The following RANBP9 variants were observed in gnomAD, a reference collection of about 807,000 sequenced individuals.
The protein encoded by RANBP9 is RAN binding protein 9, also known as ran-binding protein 9.
A neutral mutation model predicts 84.3 loss-of-function variants in RANBP9; 15 were observed. That is an observed-to-expected ratio of 0.18 (90% CI 0.12 to 0.27). RANBP9 has a LOEUF of 0.27. Ranked by LOEUF, RANBP9 falls within the 10% of genes least tolerant of loss-of-function variation. The pLI is 1.00. For synonymous variants in RANBP9, 392 were observed against 349.6 expected, an observed-to-expected ratio of 1.12 and a Z score of -1.35; for missense variants, 809 against 912.8, an observed-to-expected ratio of 0.89 and a Z score of 1.46.
intron 5 of RANBP9, among the ~76,000 whole-genome samples, chr6:13,648,141 GTTTTTT>G (rs375219477): frequency 5.0e-5 from 4 of 80,674 alleles, no homozygotes; most frequent in Non-Finnish European, 7.1e-5. Flanking sequence ...TATATGACTG[GTTTTTT>G]TTTTTTTTTT....
chr6:13,632,795 T>C (rs1056095413), intron 11 of RANBP9: 1 of 246,710 alleles, frequency 4.1e-6, no homozygotes, highest in African/African-American at 2.3e-5. Context: ...AGAAAAAAAT[T>C]TTAGAAAAAG....
At chr6:13,636,896 T>C (rs1764952343) in intron 10 of RANBP9, among the ~76,000 whole-genome samples, 1 of 152,182 alleles carries the variant, frequency 6.6e-6, no homozygotes, top group African/African-American at 2.4e-5. Flanking sequence ...TGCAAAATCA[T>C]ATTTCCATTA....
At chr6:13,678,702 T>G (rs549901786) in intron 2 of RANBP9, among the ~76,000 whole-genome samples, 2 of 152,286 alleles carry the variant, frequency 1.3e-5, no homozygotes, top group East Asian at 3.9e-4. Context: ...CCTGGACTTT[T>G]CCGTGGCTCC....
At chr6:13,683,054 A>T (rs1766082004) in intron 2 of RANBP9, among the ~76,000 whole-genome samples, 1 of 151,884 alleles carries the variant, frequency 6.6e-6, no homozygotes, top group Non-Finnish European at 1.5e-5. Context: ...GTACTATACA[A>T]ATCACAAAGA....
In RANBP9 at chr6:13,688,915, G is replaced by A. The variant is rs114407140; in HGVS notation, c.683+7870C>T. Among the ~76,000 whole-genome samples the A allele has an allele frequency of 3.3e-3, 478 of 144,530 alleles. 6 individuals are homozygous for A. The highest frequency in any genetic ancestry group is 0.011 in the African/African-American group (431 of 38,860). The allele number at this position is 144,530 out of a possible 152,430, so 94.8% of individuals were successfully genotyped here. A position where few individuals can be genotyped will look rare whatever the true frequency, so the allele number is the denominator to read the frequency against. On this transcript the variant is annotated intron_variant, in intron 2 of 13. Coordinates refer to ENST00000011619, the MANE Select transcript of RANBP9 (RefSeq NM_005493.3). ...TGCCTGTAATCCCAACACTTAGGGA[G>A]GCAGGAGGATAGCTTGAGGCCAGGA...
At chr6:13,700,793 C>T (rs975818700) in intron 1 of RANBP9, among the ~76,000 whole-genome samples, 1 of 152,180 alleles carries the variant, frequency 6.6e-6, no homozygotes, top group Non-Finnish European at 1.5e-5. Context: ...ATATCGGGCA[C>T]AGTGAAAATT....
intron 2 of RANBP9, among the ~76,000 whole-genome samples, chr6:13,687,883 C>T (rs1007678049): frequency 6.6e-6 from 1 of 152,302 alleles, no homozygotes; most frequent in East Asian, 1.9e-4. Flanking sequence ...AAAGGTAACA[C>T]CCATTAGCAT....
intron 2 of RANBP9, among the ~76,000 whole-genome samples, chr6:13,684,719 A>C (rs951361394): frequency 4.6e-5 from 7 of 152,340 alleles, no homozygotes; most frequent in African/African-American, 1.7e-4. Context: ...CCCTCCCTAA[A>C]GGGATACTCT....
chr6:13,644,294 A>T (rs2127766133), intron 6 of RANBP9, among the ~76,000 whole-genome samples: 1 of 152,302 alleles, frequency 6.6e-6, no homozygotes, highest in African/African-American at 2.4e-5. Context: ...AGGTGACCTA[A>T]CATCATTTTA....
Position 13,708,844 on chromosome 6 carries a change from C to G in RANBP9, c.571+2091G>C, listed in dbSNP as rs185857316. On this transcript the variant is annotated intron_variant, in intron 1 of 13. Transcript: ENST00000011619. ...TCACACACACACACACACACACACA[C>G]ACAGTCTACAGTAACAAGACAAGAG... Among the ~76,000 whole-genome samples, 123 of 152,000 alleles carry G rather than the reference C, an allele frequency of 8.1e-4. 2 individuals carry two copies. In the East Asian group the frequency reaches 0.021, roughly 26 times the overall value.
At chr6:13,679,298 A>C (rs1353285143) in intron 2 of RANBP9, among the ~76,000 whole-genome samples, 1 of 152,210 alleles carries the variant, frequency 6.6e-6, no homozygotes, top group Non-Finnish European at 1.5e-5. Flanking sequence ...CAATACCTAA[A>C]ATTAAGGCCT....
At chr6:13,638,038 G>C in intron 9 of RANBP9, 83 bp from the exon 10 acceptor site, 1 of 1,300,838 alleles carries the variant, frequency 7.7e-7, no homozygotes, top group Non-Finnish European at 1.0e-6. Context: ...TGTTGATTTT[G>C]TACTAAGACT....
Position 13,627,928 on chromosome 6 carries a change from A to G in RANBP9, c.1948-2164T>C, listed in dbSNP as rs568820475. Reference sequence around the variant, plus strand: ...AAACCACCATGGCACACGTTTACCTATGTAACAAACCTGCACATCCTGCAC... The same window carrying G: ...AAACCACCATGGCACACGTTTACCTGTGTAACAAACCTGCACATCCTGCAC... On this transcript the variant is annotated intron_variant, in intron 12 of 13. Transcript: ENST00000011619. Among the ~76,000 whole-genome samples, 539 of 152,282 alleles carry G rather than the reference A, an allele frequency of 3.5e-3. 1 individual carries two copies. The highest frequency in any genetic ancestry group is 0.012 in the African/African-American group (501 of 41,560).
intron 1 of RANBP9, among the ~76,000 whole-genome samples, chr6:13,705,443 CATT>C (rs1758083759): frequency 7.8e-6 from 1 of 127,474 alleles, no homozygotes; most frequent in African/African-American, 2.9e-5. Context: ...AAAGAATATA[CATT>C]ATTATTGTCT....
At chr6:13,626,293 T>TC (rs1336853738) in intron 12 of RANBP9, among the ~76,000 whole-genome samples, 1 of 152,200 alleles carries the variant, frequency 6.6e-6, no homozygotes, top group Non-Finnish European at 1.5e-5. Flanking sequence ...AAGCCACACC[T>TC]CTTCAAAACT....
chr6:13,635,365 A>G (rs1365534402), intron 10 of RANBP9, among the ~76,000 whole-genome samples: 1 of 152,202 alleles, frequency 6.6e-6, no homozygotes, highest in South Asian at 2.1e-4. Flanking sequence ...ATAAATATCT[A>G]ATCTTTAGGA....
chr6:13,630,288 T>A lies in RANBP9; in HGVS notation c.1947+2082A>T, dbSNP rs11963428. Among the ~76,000 whole-genome samples, 928 of 152,258 alleles carry A rather than the reference T, an allele frequency of 6.1e-3. 4 individuals are homozygous for A. The highest frequency in any genetic ancestry group is 0.021 in the African/African-American group (864 of 41,544). On this transcript the variant is annotated intron_variant, in intron 12 of 13. Coordinates refer to ENST00000011619, the MANE Select transcript of RANBP9 (RefSeq NM_005493.3). ...ATCAAAGACATCTATACTCTTTAAA[T>A]AAAGATGATACATCTTCACACAATT...
At chr6:13,687,085 T>C (rs569344321) in intron 2 of RANBP9, among the ~76,000 whole-genome samples, 5 of 152,312 alleles carry the variant, frequency 3.3e-5, no homozygotes, top group African/African-American at 1.2e-4. Flanking sequence ...CCTCCTTCTA[T>C]ATGTCCTTTA....
chr6:13,659,257 TAC>T (rs60255234), intron 2 of RANBP9, among the ~76,000 whole-genome samples: 36,033 of 130,334 alleles, frequency 0.28, 4,537 homozygotes, highest in Non-Finnish European at 0.33. Flanking sequence ...CACACACACA[TAC>T]ACACACACAC....
Sources: allele counts gnomAD v4.1 joint callset (sites outside exome capture counted in the v4.1 genomes callset), GRCh38; gene constraint gnomAD v4.1.1; transcripts MANE v1.5; gene names NCBI Gene and HGNC (gene_info 2026-07-23, HGNC 2026-07-21).